The following EVL variants were observed in gnomAD, a reference collection of about 807,000 sequenced individuals.
The protein encoded by EVL is ena/VASP-like protein.
Under a neutral mutation model 59.6 loss-of-function variants are expected in EVL, and 21 were observed. That is an observed-to-expected ratio of 0.35 (90% CI 0.25 to 0.51). EVL has a LOEUF of 0.51. EVL is among the 20% of genes least tolerant of loss of function. The pLI, the probability that EVL is intolerant of heterozygous loss-of-function variation, is 0.97. For missense variants in EVL, 462 were observed against 546.6 expected (o/e 0.85, Z 1.54); for synonymous variants, 198 against 203.5 (o/e 0.97, Z 0.23).
intron 2 of EVL, 115 bp downstream of exon 2, chr14:100,084,970 T>G (rs1257771185): frequency 8.7e-7 from 1 of 1,148,582 alleles, no homozygotes; most frequent in East Asian, 2.4e-5. Context: ...ATATTCGGAA[T>G]CAGAGGACCT....
intron 1 of EVL, among the ~76,000 whole-genome samples, chr14:100,000,184 G>A (rs977972711): frequency 6.6e-6 from 1 of 152,142 alleles, no homozygotes; most frequent in Non-Finnish European, 1.5e-5. Context: ...TGCCCAAGGT[G>A]GTCAGGGCAC....
chr14:99,986,761 C>T (rs1466376487), intron 1 of EVL, among the ~76,000 whole-genome samples: 1 of 152,222 alleles, frequency 6.6e-6, no homozygotes, highest in Non-Finnish European at 1.5e-5. Context: ...ACTACCCCTA[C>T]ATTTATGAGC....
chr14:100,064,977 G>A (rs186258228), upstream of EVL, among the ~76,000 whole-genome samples: 1 of 152,352 alleles, frequency 6.6e-6, no homozygotes, highest in East Asian at 1.9e-4. Context: ...TCTCTGGAGA[G>A]TCAGTGGGGA....
intron 7 of EVL, 22 bp downstream of exon 7, chr14:100,129,706 G>A: frequency 6.5e-7 from 1 of 1,534,914 alleles, no homozygotes; most frequent in Non-Finnish European, 8.8e-7. Flanking sequence ...CACCTCCCGA[G>A]ACTTGGTGTG....
intron 1 of EVL, among the ~76,000 whole-genome samples, chr14:100,028,137 T>G (rs915468057): frequency 2.3e-5 from 3 of 131,016 alleles, no homozygotes; most frequent in Non-Finnish European, 3.3e-5. Flanking sequence ...TTTGTTTGTT[T>G]TTTTTTTTTT....
At chr14:100,037,622 A>G (rs567991915) in intron 1 of EVL, among the ~76,000 whole-genome samples, 2 of 152,350 alleles carry the variant, frequency 1.3e-5, no homozygotes, top group South Asian at 4.1e-4. Flanking sequence ...AAATGTACAA[A>G]TAAAATATAG....
At chr14:100,019,634 A>C in intron 1 of EVL, 1 of 1,530,026 alleles carries the variant, frequency 6.5e-7, no homozygotes, top group South Asian at 1.2e-5. Flanking sequence ...AGACTACCAC[A>C]CAATCTAAGG....
At chr14:99,973,457 C>T (rs1413422417) in intron 1 of EVL, among the ~76,000 whole-genome samples, 1 of 152,152 alleles carries the variant, frequency 6.6e-6, no homozygotes, top group Non-Finnish European at 1.5e-5. Context: ...CCACATTTCT[C>T]TTGGGTTTTT....
intron 1 of EVL, among the ~76,000 whole-genome samples, chr14:100,073,839 T>G (rs1436326595): frequency 6.6e-6 from 1 of 152,138 alleles, no homozygotes; most frequent in African/African-American, 2.4e-5. Context: ...TGAACACTAC[T>G]TTAAAAACCA....
chr14:100,037,272 C>T (rs762079845), intron 1 of EVL, among the ~76,000 whole-genome samples: 12 of 152,188 alleles, frequency 7.9e-5, no homozygotes, highest in Non-Finnish European at 1.6e-4. Flanking sequence ...CAATCACTGT[C>T]TAGTCTAATT....
chr14:100,136,670 C>A (rs1888812713), intron 9 of EVL, among the ~76,000 whole-genome samples: 1 of 152,122 alleles, frequency 6.6e-6, no homozygotes, highest in African/African-American at 2.4e-5. Context: ...GGGGCATGCT[C>A]AGGTTGGGTG....
At chr14:100,037,858 G>A (rs1001880520) in intron 1 of EVL, among the ~76,000 whole-genome samples, 5 of 152,146 alleles carry the variant, frequency 3.3e-5, no homozygotes, top group African/African-American at 1.2e-4. Context: ...TAGACATTAG[G>A]GATACAAATG....
chr14:100,087,421 C>T (rs117490616), intron 2 of EVL, among the ~76,000 whole-genome samples: 2,714 of 152,270 alleles, frequency 0.018, 35 homozygotes, highest in Non-Finnish European at 0.027. Context: ...CCAGACCAGC[C>T]TGGGCAACAT....
intron 1 of EVL, among the ~76,000 whole-genome samples, chr14:100,034,215 A>G (rs1419386032): frequency 1.3e-5 from 2 of 150,872 alleles, no homozygotes; most frequent in East Asian, 3.9e-4. Flanking sequence ...AGCCTGGGCA[A>G]CAGAGCTAGA....
chr14:100,020,506 G>A (rs1381409986), intron 1 of EVL, among the ~76,000 whole-genome samples: 1 of 151,914 alleles, frequency 6.6e-6, no homozygotes, highest in East Asian at 1.9e-4. Context: ...TCCGACTTCT[G>A]AAAGCTTCTC....
At chr14:100,016,256 C>CGT (rs1456861937) in intron 1 of EVL, among the ~76,000 whole-genome samples, 2 of 152,030 alleles carry the variant, frequency 1.3e-5, no homozygotes, top group African/African-American at 4.8e-5. Context: ...AAACACTGGG[C>CGT]GTTGTGGCTC....
At chr14:100,137,209 G>A in intron 9 of EVL, 1 of 293,762 alleles carries the variant, frequency 3.4e-6, no homozygotes, top group Non-Finnish European at 6.5e-6. Flanking sequence ...AGTAGCAGGT[G>A]CCGGGCCGAG....
chr14:100,007,691 C>G (rs1333128703), intron 1 of EVL, among the ~76,000 whole-genome samples: 1 of 152,156 alleles, frequency 6.6e-6, no homozygotes, highest in Admixed American at 6.5e-5. Flanking sequence ...GGCACTCCAG[C>G]GGGGAGGTAC....
chr14:100,065,295 C>G (rs1359538711), upstream of EVL: 2 of 355,474 alleles, frequency 5.6e-6, no homozygotes. Context: ...CTTCTTGTTT[C>G]TCTATTTTCT....
Sources: allele counts gnomAD v4.1 joint callset (sites outside exome capture counted in the v4.1 genomes callset), GRCh38; gene constraint gnomAD v4.1.1; transcripts MANE v1.5; gene names NCBI Gene and HGNC (gene_info 2026-07-23, HGNC 2026-07-21).